MTFR1: variants seen among roughly 807,000 people sequenced by gnomAD.
The protein encoded by MTFR1 is mitochondrial fission regulator 1.
MTFR1 carries 28 observed loss-of-function variants against 38.8 expected under a neutral mutation model. The observed-to-expected ratio is 0.72, with a 90% CI of 0.53 to 0.99. The LOEUF (loss-of-function observed/expected upper bound fraction) is 0.99. MTFR1 is among the 50% of genes least tolerant of loss of function. The probability of loss-of-function intolerance (pLI) is 0.00; values close to 1 mark genes in which losing one functional copy is unlikely to be tolerated. For missense variants in MTFR1, 358 were observed against 395.5 expected, an observed-to-expected ratio of 0.91 and a Z score of 0.81; for synonymous variants, 145 against 137.0, an observed-to-expected ratio of 1.06 and a Z score of -0.41.
chr8:65,735,705 A>G (rs1265294264), intron 3 of MTFR1, among the ~76,000 whole-genome samples: 3 of 152,074 alleles, frequency 2.0e-5, no homozygotes, highest in Admixed American at 6.5e-5. Flanking sequence ...CTAACTGTGC[A>G]ACGCCCACCT....
intron 3 of MTFR1, among the ~76,000 whole-genome samples, chr8:65,683,738 A>G (rs1800454219): frequency 6.6e-6 from 1 of 151,500 alleles, no homozygotes; most frequent in Admixed American, 6.6e-5. Flanking sequence ...TTTTGGAGAC[A>G]GAGTCTTGCC....
At chr8:65,696,542 A>T (rs1805448102) in intron 4 of MTFR1, among the ~76,000 whole-genome samples, 1 of 152,132 alleles carries the variant, frequency 6.6e-6, no homozygotes, top group South Asian at 2.1e-4. Context: ...AGCCACACAT[A>T]CTTCTCTTCC....
Position 65,682,368 on chromosome 8 carries a change from A to G in MTFR1, c.82A>G (p.Lys28Glu). ...ACTTCCTCAGGTACTTTGGTCTAGGAAGCCATATGGTTCGTCTCGAAGTAT... is the reference window on the plus strand; with the variant it reads ...ACTTCCTCAGGTACTTTGGTCTAGGGAGCCATATGGTTCGTCTCGAAGTAT... ...VSMQSVLWSR[K>E]PYGSSRSIVR... Residue 28 changes from lysine to glutamate, a missense_variant, in exon 3 of 8, where the codon AAG becomes GAG. By Grantham distance (56) the Lys-to-Glu change is moderately conservative. Transcript: ENST00000262146. 1 of 1,567,696 alleles carries G rather than the reference A, an allele frequency of 6.4e-7. No individual in the cohort carries two copies. Among genetic ancestry groups the G allele is most frequent in the Non-Finnish European group, 8.6e-7 (1 of 1,156,162 alleles).
At chr8:65,713,885 G>A (rs950027367), downstream of MTFR1, among the ~76,000 whole-genome samples, 2 of 151,608 alleles carry the variant, frequency 1.3e-5, no homozygotes, top group Admixed American at 6.6e-5. Context: ...ATGGGGTTTC[G>A]CCATGTTGGC....
downstream of MTFR1, among the ~76,000 whole-genome samples, chr8:65,776,204 T>C (rs1205262796): frequency 1.3e-5 from 2 of 152,204 alleles, no homozygotes; most frequent in Non-Finnish European, 1.5e-5. Context: ...TTGCTATTTC[T>C]ACCCATTGCA....
chr8:65,697,209 T>A (rs962377041), intron 4 of MTFR1, among the ~76,000 whole-genome samples: 2 of 151,986 alleles, frequency 1.3e-5, no homozygotes, highest in African/African-American at 4.8e-5. Flanking sequence ...AGTCTCGAAC[T>A]CCTGACCTCA....
chr8:65,715,458 A>G (rs1055407207), downstream of MTFR1, among the ~76,000 whole-genome samples: 1 of 151,084 alleles, frequency 6.6e-6, no homozygotes. Context: ...GCTCCTTGCA[A>G]CCTCCGCCAC....
At chr8:65,699,110 T>G (rs1247890951) in intron 4 of MTFR1, among the ~76,000 whole-genome samples, 1 of 152,220 alleles carries the variant, frequency 6.6e-6, no homozygotes, top group Non-Finnish European at 1.5e-5. Flanking sequence ...TTTCTGTTCC[T>G]GTGTGAGTTT....
At chr8:65,708,675 A>G (rs1805855646) in intron 7 of MTFR1, among the ~76,000 whole-genome samples, 1 of 152,246 alleles carries the variant, frequency 6.6e-6, no homozygotes, top group Non-Finnish European at 1.5e-5. Flanking sequence ...ATTGGAAAGG[A>G]AACTTTGTAC....
chr8:65,669,217 T>G (rs543558051), intron 1 of MTFR1, among the ~76,000 whole-genome samples: 1 of 152,168 alleles, frequency 6.6e-6, no homozygotes, highest in African/African-American at 2.4e-5. Flanking sequence ...GACAGCATCT[T>G]TGGAGTTGGG....
intron 2 of MTFR1, among the ~76,000 whole-genome samples, chr8:65,681,715 G>A (rs544651300): frequency 7.5e-6 from 1 of 134,078 alleles, no homozygotes; most frequent in South Asian, 2.4e-4. Context: ...TTGTCTTTAA[G>A]CATAGCATAA....
chr8:65,766,453 T>G (rs1236686517), intron 3 of MTFR1, among the ~76,000 whole-genome samples: 1 of 152,186 alleles, frequency 6.6e-6, no homozygotes, highest in African/African-American at 2.4e-5. Flanking sequence ...CTGGTTATCT[T>G]TATGGAGTTG....
intron 3 of MTFR1, among the ~76,000 whole-genome samples, chr8:65,769,857 T>G (rs1027916883): frequency 6.6e-6 from 1 of 151,960 alleles, no homozygotes; most frequent in Non-Finnish European, 1.5e-5. Flanking sequence ...GATTGTGCCA[T>G]TGCACTCCAG....
intron 3 of MTFR1, among the ~76,000 whole-genome samples, chr8:65,688,609 C>A (rs1458802440): frequency 3.3e-5 from 5 of 150,386 alleles, no homozygotes; most frequent in African/African-American, 1.2e-4. Context: ...CCACCACGCC[C>A]AGCTAATTGT....
intron 3 of MTFR1, among the ~76,000 whole-genome samples, chr8:65,758,197 A>T (rs760893379): frequency 6.6e-6 from 1 of 152,186 alleles, no homozygotes; most frequent in Non-Finnish European, 1.5e-5. Flanking sequence ...CCACTAGGCA[A>T]TAACAGCCGT....
At chr8:65,651,657 A>G (rs112327454) in intron 1 of MTFR1, among the ~76,000 whole-genome samples, 1 of 151,858 alleles carries the variant, frequency 6.6e-6, no homozygotes, top group African/African-American at 2.4e-5. Flanking sequence ...CCATTGGTCT[A>G]TGTGTCTGTT....
intron 1 of MTFR1, among the ~76,000 whole-genome samples, chr8:65,661,440 C>T (rs1809411540): frequency 6.6e-6 from 1 of 152,102 alleles, no homozygotes; most frequent in African/African-American, 2.4e-5. Flanking sequence ...AGTTCCTGAC[C>T]AGACTGGCCA....
At chr8:65,657,652 C>T (rs1197508222) in intron 1 of MTFR1, among the ~76,000 whole-genome samples, 2 of 150,250 alleles carry the variant, frequency 1.3e-5, no homozygotes, top group East Asian at 3.9e-4. Context: ...CTGTGGTGAG[C>T]AATGATCATG....
intron 3 of MTFR1, among the ~76,000 whole-genome samples, chr8:65,736,643 C>G (rs1034484927): frequency 6.6e-6 from 1 of 151,380 alleles, no homozygotes; most frequent in Non-Finnish European, 1.5e-5. Context: ...CCTAGCTACT[C>G]GGGAGGCTGA....
Sources: allele counts gnomAD v4.1 joint callset (sites outside exome capture counted in the v4.1 genomes callset), GRCh38; gene constraint gnomAD v4.1.1; transcripts MANE v1.5; gene names NCBI Gene and HGNC (gene_info 2026-07-23, HGNC 2026-07-21).